MAN2C1: variants seen among roughly 807,000 people sequenced by gnomAD.
MAN2C1 encodes the protein mannosidase alpha class 2C member 1, also known as alpha-mannosidase 2C1.
MAN2C1 carries 111 observed loss-of-function variants against 126.9 expected under a neutral mutation model. That is an observed-to-expected ratio of 0.87 (90% CI 0.75 to 1.02). The LOEUF (loss-of-function observed/expected upper bound fraction) is 1.02. Among genes scored for constraint, MAN2C1 ranks in the 50% least tolerant of loss-of-function variants. The pLI is 0.00. For synonymous variants in MAN2C1, 567 were observed against 561.5 expected (o/e 1.01, Z -0.14); for missense variants, 1,363 against 1,364.4 (o/e 1.00, Z 0.02).
chr15:75,355,869 C>T lies in MAN2C1; in HGVS notation c.*37G>A, dbSNP rs2072275077. ...TGGGGAAGCAGAAATTAGGAGTCCC[C>T]AGAGCCTTCTACAAACAAAACCCCA... is the stretch of plus-strand genomic sequence containing the variant. On this transcript the variant is annotated 3_prime_UTR_variant, in exon 26 of 26. Transcript: ENST00000267978. The T allele has an allele frequency of 1.9e-6, 3 of 1,612,810 alleles. No homozygotes were observed. The highest frequency in any genetic ancestry group is 1.3e-5 in the African/African-American group (1 of 74,740).
chr15:75,368,340 C>T (rs982080147), intron 1 of MAN2C1, 142 bp from the exon 2 acceptor site: 17 of 1,396,320 alleles, frequency 1.2e-5, no homozygotes, highest in African/African-American at 1.4e-5. Context: ...CCATTCCCTA[C>T]CCCCTCCTCC....
rs978393548 is a variant in MAN2C1 at position 75,359,997 on chromosome 15, G to T, written c.1707-9C>A. 1 of 1,614,040 alleles carries T rather than the reference G, an allele frequency of 6.2e-7. No homozygotes were observed. Among genetic ancestry groups the T allele is most frequent in the Non-Finnish European group, 8.5e-7 (1 of 1,179,950 alleles). ...GGTTCAGAAGAAGGAGCCTGCAGGG[G>T]CCAAGGGCAGGGATGGGAAGGCTGG... On this transcript the variant is annotated splice_polypyrimidine_tract_variant and intron_variant, in intron 14 of 25. Transcript: ENST00000267978.
In MAN2C1 at chr15:75,360,108, TGGGCTGCTGG is replaced by T; in HGVS notation, c.1678_1687del (p.Pro560SerfsTer11). 1 of 1,613,980 alleles carries T rather than the reference TGGGCTGCTGG, an allele frequency of 6.2e-7. No homozygotes were observed. Among genetic ancestry groups the T allele is most frequent in the Non-Finnish European group, 8.5e-7 (1 of 1,179,996 alleles). ...GGCTGACCTCCAGAGGTGCTGCAGC[TGGGCTGCTGG>T]GTATAGGAACTGGGCACTGCGGGCC... On this transcript the variant is annotated frameshift_variant, in exon 14 of 26. Coordinates refer to ENST00000267978, the MANE Select transcript of MAN2C1 (RefSeq NM_006715.4). LOFTEE classifies it high-confidence loss of function.
At chr15:75,357,227 T>C in intron 21 of MAN2C1, 1 of 234,772 alleles carries the variant, frequency 4.3e-6, no homozygotes, top group Non-Finnish European at 8.4e-6. Context: ...CACTGCAACC[T>C]CCGCCCTCCA....
At chr15:75,359,187 A>G (rs765945924) in intron 17 of MAN2C1, 34 bp from the exon 18 acceptor site, 4 of 1,612,834 alleles carry the variant, frequency 2.5e-6, no homozygotes, top group Non-Finnish European at 3.4e-6. Flanking sequence ...CTGAGTCTGT[A>G]GGGGCTTCCC....
In MAN2C1 at chr15:75,361,689, G is replaced by A; in HGVS notation, c.1133C>T (p.Ala378Val). The change falls in exon 10 of 26, where the codon GCA becomes GTA. Residue 378 changes from alanine to valine, a missense_variant. Coordinates refer to ENST00000267978, the MANE Select transcript of MAN2C1 (RefSeq NM_006715.4). This position sits in a 1 kb window ranked among gnomAD's most constrained non-coding sequence, Gnocchi z 5.0. The part of the protein sequence containing the change: ...FWLPDTFGYS[A>V]QLPQIMHGCG... Reference sequence around the variant, plus strand: ...GCCGTGCATGATCTGGGGGAGCTGTGCTGAGTAGCCAAAGGTGTCCGGCAG... The same window carrying A: ...GCCGTGCATGATCTGGGGGAGCTGTACTGAGTAGCCAAAGGTGTCCGGCAG... The A allele has an allele frequency of 6.2e-7, 1 of 1,614,014 alleles. No homozygotes were observed. Among genetic ancestry groups the A allele is most frequent in the Non-Finnish European group, 8.5e-7 (1 of 1,180,000 alleles).
In MAN2C1 at chr15:75,361,912, C is replaced by A; in HGVS notation, c.1044G>T (p.Arg348Ser). The change falls in exon 9 of 26, where the codon AGG becomes AGT. Residue 348 changes from arginine to serine, a missense_variant. Coordinates refer to ENST00000267978, the MANE Select transcript of MAN2C1 (RefSeq NM_006715.4). The surrounding 1 kb of genome is among the most constrained non-coding windows in gnomAD (Gnocchi z 5.0). ...AGAAGTTCTGGCCCTGCAAAAACTG[C>A]CTCACCATGGCCTCTCCACTGGGCA... ...GNLPSGEAMVRQFLQGQNFFL... is the reference protein window; with the variant it reads ...GNLPSGEAMVSQFLQGQNFFL... The A allele has an allele frequency of 1.2e-6, 2 of 1,614,132 alleles. No individual in the cohort carries two copies. Among genetic ancestry groups the A allele is most frequent in the Non-Finnish European group, 1.7e-6 (2 of 1,180,020 alleles).
In MAN2C1 at chr15:75,368,237, C is replaced by T. The variant is rs775273973; in HGVS notation, c.102-39G>A. On this transcript the variant is annotated intron_variant, in intron 1 of 25. Transcript: ENST00000267978. ...GCCGGTGGGCACATGCTGGAGGCCG[C>T]CCCGTTTCCGCCTGGGGGCCAGCTG... 4 of 1,564,506 alleles carry T rather than the reference C, an allele frequency of 2.6e-6. No homozygotes were observed. In the Admixed American group the frequency reaches 7.5e-5, roughly 29 times the overall value.
rs769485719 is a variant in MAN2C1 at position 75,366,614 on chromosome 15, G to A, written c.352-22C>T. The A allele has an allele frequency of 1.3e-5, 20 of 1,585,588 alleles. No homozygotes were observed. The South Asian group carries it at 1.8e-4, about 14-fold the overall frequency. On this transcript the variant is annotated intron_variant, in intron 3 of 25. Transcript: ENST00000267978. Reference sequence around the variant, plus strand: ...AACCCTAGTAGGGAGGGGAGTGAGAGAGACAAGGCTTGAGGCTTTTGGACA... The same window carrying A: ...AACCCTAGTAGGGAGGGGAGTGAGAAAGACAAGGCTTGAGGCTTTTGGACA...
chr15:75,367,159 T>C (rs1050801434), intron 3 of MAN2C1, among the ~76,000 whole-genome samples: 30 of 151,940 alleles, frequency 2.0e-4, no homozygotes, highest in African/African-American at 1.7e-4. Flanking sequence ...TGTAAATGGG[T>C]ATAAAGACCT....
At position 75,356,881 on chromosome 15, in the gene MAN2C1, C is replaced by G; in HGVS notation, c.2569G>C (p.Asp857His). The G allele has an allele frequency of 1.2e-6, 2 of 1,613,802 alleles. No individual in the cohort carries two copies. The highest frequency in any genetic ancestry group is 1.7e-6 in the Non-Finnish European group (2 of 1,179,734). ...AGCCCAAAGCCGTGTTCTGACAGAT[C>G]CATCCAGCGATGGGCCCACACCTGG... ...RFEVWAHRWM[D>H]LSEHGFGLAL... The change falls in exon 22 of 26, where the codon GAT becomes CAT. Residue 857 changes from aspartate (D) to histidine (H), a missense_variant. Physicochemically the swap from Asp to His is moderately conservative, Grantham distance 81. Around this residue, in one of 3 missense-constraint regions of MAN2C1, gnomAD observed 668 missense variants for 650.1 expected, o/e 1.03. Coordinates refer to ENST00000267978, the MANE Select transcript of MAN2C1 (RefSeq NM_006715.4). The surrounding 1 kb of genome is among the most constrained non-coding windows in gnomAD (Gnocchi z 5.8).
At position 75,362,757 on chromosome 15, in the gene MAN2C1, GGAGT is replaced by G. The variant is rs768127063; in HGVS notation, c.791-13_791-10del. ...GAAGGGCCAAAGCCAGGCTATACGG[GGAGT>G]GAGGTGGAGGACAGAGGGAGCAGCA... On this transcript the variant is annotated splice_polypyrimidine_tract_variant and intron_variant, in intron 6 of 25. Coordinates refer to ENST00000267978, the MANE Select transcript of MAN2C1 (RefSeq NM_006715.4). This position sits in a 1 kb window ranked among gnomAD's most constrained non-coding sequence, Gnocchi z 4.5. 6.2e-7 allele frequency: 1 copy of G among 1,611,628 alleles called. No homozygotes were observed. Among genetic ancestry groups the G allele is most frequent in the South Asian group, 1.1e-5 (1 of 90,996 alleles).
chr15:75,368,456 C>T (rs899286940), intron 1 of MAN2C1, 27 bp downstream of exon 1: 3 of 1,539,374 alleles, frequency 1.9e-6, no homozygotes, highest in East Asian at 4.9e-5. Flanking sequence ...TTGCGGTCGG[C>T]CGGCTGCGGG....
At position 75,358,291 on chromosome 15, in the gene MAN2C1, C is replaced by T. The variant is rs1475834610; in HGVS notation, c.2457G>A (p.Val819=). The part of the protein sequence containing the change: ...KFLKVEFPAR[V]RSSQATYEIQ... ...TCTCATAGGTGGCCTGGGAACTCCG[C>T]ACGCGAGCAGGGAACTCCACCTTCA... The change falls in exon 21 of 26, where the codon GTG becomes GTA. Residue 819 remains valine, a synonymous_variant. Transcript: ENST00000267978. 6.2e-6 allele frequency: 10 copies of T among 1,614,174 alleles called. No homozygotes were observed. Among genetic ancestry groups the T allele is most frequent in the South Asian group, 2.2e-5 (2 of 91,090 alleles).
chr15:75,365,347 G>A (rs979772959), intron 4 of MAN2C1, among the ~76,000 whole-genome samples: 2 of 152,116 alleles, frequency 1.3e-5, no homozygotes, highest in Admixed American at 6.5e-5. Flanking sequence ...TAATGTCTAA[G>A]AAGTGTTTTT....
At chr15:75,360,040 G>A in intron 14 of MAN2C1, 50 bp downstream of exon 14, 1 of 1,614,024 alleles carries the variant, frequency 6.2e-7, no homozygotes. Flanking sequence ...AGGCACAGAG[G>A]TAACTGCAGT....
rs533008500 is a variant in MAN2C1, at chr15:75,368,343, C to G, written c.101+140G>C. The G allele has an allele frequency of 3.9e-3, 5,472 of 1,403,528 alleles. 10 individuals are homozygous for G. Among genetic ancestry groups the G allele is most frequent in the Non-Finnish European group, 4.9e-3 (5,096 of 1,041,074 alleles). 86.9% of individuals were successfully genotyped at this position (1,403,528 alleles called of 1,614,324 possible). ...CCGCGGCACAGTCCATTCCCTACCC[C>G]CTCCTCCCCGGCCCCTGCCCTGCCC... On this transcript the variant is annotated intron_variant, in intron 1 of 25. Transcript: ENST00000267978.
At chr15:75,363,094 G>C in intron 6 of MAN2C1, 1 of 433,282 alleles carries the variant, frequency 2.3e-6, no homozygotes, top group Admixed American at 2.6e-5. Context: ...GTATACCTGG[G>C]AACAGAGGCA....
rs762589940 is a variant in MAN2C1 at position 75,356,622 on chromosome 15, T to G, written c.2721A>C (p.Ala907=). 2 of 1,563,934 alleles carry G rather than the reference T, an allele frequency of 1.3e-6. No homozygotes were observed. ...ADTGRHEFTY[A]LMPHKGSFQD... ...AGCACTCACCCTTGTGCGGCATCAG[T>G]GCATAGGTGAACTCGTGGCGCCCCG... is the stretch of plus-strand genomic sequence containing the variant. Residue 907 remains alanine (A), a synonymous_variant, in exon 23 of 26, where the codon GCA becomes GCC. Coordinates refer to ENST00000267978, the MANE Select transcript of MAN2C1 (RefSeq NM_006715.4). The surrounding 1 kb of genome is among the most constrained non-coding windows in gnomAD (Gnocchi z 5.8).
Sources: allele counts gnomAD v4.1 joint callset (sites outside exome capture counted in the v4.1 genomes callset), GRCh38; gene constraint gnomAD v4.1.1; regional missense constraint gnomAD v4.1.1; non-coding constraint Gnocchi (gnomAD v3.1); transcripts MANE v1.5; gene names NCBI Gene and HGNC (gene_info 2026-07-23, HGNC 2026-07-21).